The following TRAPPC9 variants were observed in gnomAD, a reference collection of about 807,000 sequenced individuals.
TRAPPC9 encodes the protein trafficking protein particle complex subunit 9, also known as IKK2 binding protein.
In TRAPPC9, 83 loss-of-function variants were observed where a neutral mutation model predicts 124.0. That is an observed-to-expected ratio of 0.67 (90% CI 0.56 to 0.80). The LOEUF is 0.80. Ranked by LOEUF, TRAPPC9 falls within the 30% of genes least tolerant of loss-of-function variation. The pLI is 0.00. For missense variants in TRAPPC9, 1,302 were observed against 1,508.3 expected (o/e 0.86, Z 2.27); for synonymous variants, 638 against 617.5 (o/e 1.03, Z -0.49).
At chr8:140,124,936 C>T (rs1031196433) in intron 17 of TRAPPC9, among the ~76,000 whole-genome samples, 1 of 152,212 alleles carries the variant, frequency 6.6e-6, no homozygotes, top group African/African-American at 2.4e-5. Context: ...TTCAATGTTG[C>T]CATTTCTGGA....
chr8:140,346,343 G>A (rs1321632176), intron 9 of TRAPPC9, among the ~76,000 whole-genome samples: 3 of 152,110 alleles, frequency 2.0e-5, no homozygotes, highest in Non-Finnish European at 2.9e-5. Flanking sequence ...CAACTTACGC[G>A]AGATGATCCA....
chr8:140,285,575 C>G (rs1183541543), intron 13 of TRAPPC9, among the ~76,000 whole-genome samples: 1 of 152,170 alleles, frequency 6.6e-6, no homozygotes, highest in Non-Finnish European at 1.5e-5. Flanking sequence ...TGCCTCCCTT[C>G]CAGCCTGTCT....
intron 17 of TRAPPC9, among the ~76,000 whole-genome samples, chr8:140,107,542 G>A (rs191163467): frequency 1.3e-5 from 2 of 152,354 alleles, no homozygotes; most frequent in African/African-American, 4.8e-5. Flanking sequence ...CAGAATTGGA[G>A]GCAAATGGTA....
chr8:140,130,396 C>T (rs1293000265), intron 17 of TRAPPC9, among the ~76,000 whole-genome samples: 3 of 152,118 alleles, frequency 2.0e-5, no homozygotes, highest in East Asian at 1.9e-4. Context: ...CTGATAGGTA[C>T]GATGGGAACA....
At chr8:140,290,569 G>A (rs1322036921) in intron 12 of TRAPPC9, among the ~76,000 whole-genome samples, 1 of 151,648 alleles carries the variant, frequency 6.6e-6, no homozygotes. Flanking sequence ...GTGGTGGTGT[G>A]GTCATTTATC....
At chr8:140,326,337 C>T (rs1357090798) in intron 9 of TRAPPC9, among the ~76,000 whole-genome samples, 3 of 152,064 alleles carry the variant, frequency 2.0e-5, no homozygotes, top group African/African-American at 2.4e-5. Flanking sequence ...CCTTGTGCTC[C>T]GCTCTGTCAT....
intron 15 of TRAPPC9, among the ~76,000 whole-genome samples, chr8:140,253,494 A>C (rs111998650): frequency 2.6e-5 from 4 of 152,138 alleles, no homozygotes; most frequent in African/African-American, 9.7e-5. Context: ...CCTGGACAAC[A>C]TGGTGAAACC....
intron 20 of TRAPPC9, among the ~76,000 whole-genome samples, chr8:139,909,238 C>A (rs1477646735): frequency 6.6e-6 from 1 of 152,212 alleles, no homozygotes; most frequent in African/African-American, 2.4e-5. Context: ...GCTGCCCCTT[C>A]CCCGGAGATG....
intron 5 of TRAPPC9, among the ~76,000 whole-genome samples, chr8:140,416,036 C>A (rs1048741028): frequency 6.6e-6 from 1 of 151,598 alleles, no homozygotes; most frequent in East Asian, 1.9e-4. Flanking sequence ...TCAAAGCAAA[C>A]AGAAAGAAGG....
intron 17 of TRAPPC9, among the ~76,000 whole-genome samples, chr8:140,125,160 G>A (rs1314478364): frequency 1.3e-5 from 2 of 152,230 alleles, no homozygotes; most frequent in South Asian, 4.1e-4. Flanking sequence ...TGCAGCAGCC[G>A]AGGTCAGCAG....
intron 17 of TRAPPC9, among the ~76,000 whole-genome samples, chr8:140,037,546 C>T (rs906474745): frequency 1.3e-5 from 2 of 151,876 alleles, no homozygotes; most frequent in African/African-American, 4.8e-5. Context: ...ACCCCTACTG[C>T]TCCTCCTGTC....
rs546459697 is a variant in TRAPPC9 at position 139,950,844 on chromosome 8, C to T, written c.2810+37882G>A. ...TGCACACCAACCAGTAAGTGAACAC[C>T]AGCTCCGAAGGCCTCTTTGGTATGC... On this transcript the variant is annotated intron_variant, in intron 19 of 22. Transcript: ENST00000438773. Among the ~76,000 whole-genome samples, 43 of 152,324 alleles carry T rather than the reference C, an allele frequency of 2.8e-4. No individual in the cohort carries two copies. In the South Asian group the frequency reaches 7.9e-3, roughly 28 times the overall value.
At chr8:140,125,255 A>T (rs1036631547) in intron 17 of TRAPPC9, among the ~76,000 whole-genome samples, 1 of 152,164 alleles carries the variant, frequency 6.6e-6, no homozygotes, top group African/African-American at 2.4e-5. Context: ...CTCGGAGGGA[A>T]CCACCAAGCT....
At chr8:140,017,816 A>T (rs2131884821) in intron 18 of TRAPPC9, among the ~76,000 whole-genome samples, 1 of 152,298 alleles carries the variant, frequency 6.6e-6, no homozygotes. Context: ...CTATCTTAAG[A>T]AAAACTAATT....
intron 18 of TRAPPC9, among the ~76,000 whole-genome samples, chr8:140,007,760 ATC>A (rs942877160): frequency 6.6e-6 from 1 of 152,192 alleles, no homozygotes; most frequent in African/African-American, 2.4e-5. Flanking sequence ...AAATCTTTAA[ATC>A]TGTTATTATT....
chr8:140,141,436 A>T (rs1454032735), intron 17 of TRAPPC9, among the ~76,000 whole-genome samples: 2 of 152,074 alleles, frequency 1.3e-5, no homozygotes, highest in Non-Finnish European at 2.9e-5. Flanking sequence ...AGTACACATA[A>T]GGTTCAGTAC....
chr8:140,379,343 T>A (rs1352244150), intron 7 of TRAPPC9, among the ~76,000 whole-genome samples: 1 of 152,222 alleles, frequency 6.6e-6, no homozygotes, highest in Non-Finnish European at 1.5e-5. Flanking sequence ...ATGCACCTTT[T>A]CTTATTTATG....
chr8:140,166,888 A>C (rs1450214049), intron 17 of TRAPPC9, among the ~76,000 whole-genome samples: 1 of 152,210 alleles, frequency 6.6e-6, no homozygotes, highest in African/African-American at 2.4e-5. Flanking sequence ...ACTCCCTCCC[A>C]GCTGAGCCAA....
intron 17 of TRAPPC9, among the ~76,000 whole-genome samples, chr8:140,084,982 G>C (rs896592208): frequency 6.6e-6 from 1 of 152,192 alleles, no homozygotes; most frequent in East Asian, 1.9e-4. Context: ...GCTGGACTCC[G>C]AGGCCTATGC....
Sources: allele counts gnomAD v4.1 joint callset (sites outside exome capture counted in the v4.1 genomes callset), GRCh38; gene constraint gnomAD v4.1.1; transcripts MANE v1.5; gene names NCBI Gene and HGNC (gene_info 2026-07-23, HGNC 2026-07-21).